Variants in ZNRF2 observed in about 807,000 individuals in gnomAD.
ZNRF2 encodes the protein E3 ubiquitin-protein ligase ZNRF2.
Under a neutral mutation model 20.4 loss-of-function variants are expected in ZNRF2, and 16 were observed. The observed-to-expected ratio is 0.79, with a 90% CI of 0.53 to 1.19. The LOEUF is 1.19. Ranked by LOEUF, ZNRF2 falls within the 50% of genes most tolerant of loss-of-function variation. The probability of loss-of-function intolerance (pLI) is 0.00; values close to 1 mark genes in which losing one functional copy is unlikely to be tolerated. For missense variants in ZNRF2, 363 were observed against 332.4 expected, an observed-to-expected ratio of 1.09 and a Z score of -0.72; for synonymous variants, 178 against 144.9, an observed-to-expected ratio of 1.23 and a Z score of -1.64.
chr7:30,355,102 A>G (rs1336311749), intron 2 of ZNRF2, among the ~76,000 whole-genome samples: 2 of 152,142 alleles, frequency 1.3e-5, no homozygotes, highest in African/African-American at 2.4e-5. Flanking sequence ...AGCCACTCTA[A>G]TTAATGCCTG....
chr7:30,355,486 G>T (rs1041166905), intron 2 of ZNRF2, among the ~76,000 whole-genome samples: 1 of 152,002 alleles, frequency 6.6e-6, no homozygotes, highest in Non-Finnish European at 1.5e-5. Flanking sequence ...TACTGTTTTT[G>T]CTTACTGTAA....
At chr7:30,290,457 G>C (rs1021084230) in intron 1 of ZNRF2, among the ~76,000 whole-genome samples, 1 of 152,192 alleles carries the variant, frequency 6.6e-6, no homozygotes, top group Non-Finnish European at 1.5e-5. Context: ...ACTGGGGAAA[G>C]GTCTGCCCAC....
intron 3 of ZNRF2, among the ~76,000 whole-genome samples, chr7:30,360,411 A>G (rs1205050594): frequency 1.3e-5 from 2 of 152,206 alleles, no homozygotes; most frequent in Admixed American, 1.3e-4. Flanking sequence ...AAATGTAAAA[A>G]CAGGCCAGGC....
intron 2 of ZNRF2, among the ~76,000 whole-genome samples, chr7:30,343,092 G>C (rs1799821261): frequency 6.6e-6 from 1 of 152,082 alleles, no homozygotes; most frequent in Non-Finnish European, 1.5e-5. Flanking sequence ...GATCACTTGA[G>C]ACCCCAGGAG....
At chr7:30,304,427 A>G (rs1384583565) in intron 1 of ZNRF2, among the ~76,000 whole-genome samples, 1 of 152,242 alleles carries the variant, frequency 6.6e-6, no homozygotes, top group African/African-American at 2.4e-5. Context: ...GGCAGAAAAT[A>G]AAGTAGTAAC....
chr7:30,345,912 G>A (rs1461666214), intron 2 of ZNRF2, among the ~76,000 whole-genome samples: 3 of 151,810 alleles, frequency 2.0e-5, no homozygotes, highest in Non-Finnish European at 4.4e-5. Context: ...ATTTAATTTC[G>A]CTTATACATG....
chr7:30,334,986 A>AC (rs1432696556), intron 2 of ZNRF2, among the ~76,000 whole-genome samples: 1 of 151,956 alleles, frequency 6.6e-6, no homozygotes, highest in Non-Finnish European at 1.5e-5. Context: ...ATGTTGAGGT[A>AC]CTTTTTTTTT....
intron 1 of ZNRF2, among the ~76,000 whole-genome samples, chr7:30,319,731 C>T (rs1188380547): frequency 1.3e-5 from 2 of 152,170 alleles, no homozygotes; most frequent in Non-Finnish European, 2.9e-5. Flanking sequence ...TCTAAAAGTT[C>T]TTTGGGTAGA....
intron 2 of ZNRF2, among the ~76,000 whole-genome samples, chr7:30,325,009 T>A (rs1311324876): frequency 6.6e-6 from 1 of 152,160 alleles, no homozygotes; most frequent in East Asian, 1.9e-4. Context: ...TGGAGCGAAC[T>A]GGTATTTTTT....
intron 4 of ZNRF2, among the ~76,000 whole-genome samples, chr7:30,364,157 G>A (rs1169616968): frequency 6.6e-6 from 1 of 152,292 alleles, no homozygotes; most frequent in African/African-American, 2.4e-5. Context: ...TGTATTGGTG[G>A]AAGATGATTT....
At chr7:30,350,248 C>T (rs1799942470) in intron 2 of ZNRF2, among the ~76,000 whole-genome samples, 1 of 152,030 alleles carries the variant, frequency 6.6e-6, no homozygotes, top group East Asian at 1.9e-4. Flanking sequence ...CACCGAATTT[C>T]GATTTCCAGA....
At chr7:30,363,285 C>T (rs1800156663) in intron 4 of ZNRF2, among the ~76,000 whole-genome samples, 1 of 152,124 alleles carries the variant, frequency 6.6e-6, no homozygotes, top group Admixed American at 6.5e-5. Flanking sequence ...TATCATGTGC[C>T]AGGTGTTGTT....
Position 30,311,486 on chromosome 7 carries a change from A to T in ZNRF2, c.470-12156A>T, listed in dbSNP as rs761095717. Among the ~76,000 whole-genome samples, 2 of 152,220 alleles carry T rather than the reference A, an allele frequency of 1.3e-5. 1 individual carries two copies. The highest frequency in any genetic ancestry group is 4.1e-4 in the South Asian group (2 of 4,832). On this transcript the variant is annotated intron_variant, in intron 1 of 4. Transcript: ENST00000323037. The stretch of plus-strand genomic sequence containing the variant: ...TTCATGAAGAGCAGTATCTTTAAGA[A>T]GGTAACTAACACATACCAATGAAAA...
intron 2 of ZNRF2, among the ~76,000 whole-genome samples, chr7:30,335,565 A>G (rs181768919): frequency 7.1e-4 from 108 of 152,250 alleles, no homozygotes; most frequent in Middle Eastern, 3.4e-3. Context: ...ACATATATAT[A>G]TACGTATTCA....
chr7:30,287,425 A>AGTTAATATTTATTTAATAT (rs1186009152), intron 1 of ZNRF2, among the ~76,000 whole-genome samples: 1 of 152,226 alleles, frequency 6.6e-6, no homozygotes, highest in African/African-American at 2.4e-5. Context: ...TCAAGTTAAT[A>AGTTAATATTTATTTAATAT]GTTAATATTT....
rs1262391942 is a variant in ZNRF2 at position 30,285,370 on chromosome 7, C to G, written c.13C>G (p.Gln5Glu). Reference protein sequence around the residue: MGAKQSGPAAANGRT... With the variant: MGAKESGPAAANGRT... ...GGGCAGGGCGGACATGGGCGCCAAA[C>G]AGAGCGGCCCGGCCGCCGCTAACGG... The change falls in exon 1 of 5, where the codon CAG becomes GAG. Residue 5 changes from glutamine (Q) to glutamate (E), a missense_variant. By Grantham distance (29) the Gln-to-Glu change is conservative. Transcript: ENST00000323037. The G allele has an allele frequency of 8.2e-7, 1 of 1,212,998 alleles. No homozygotes were observed. The highest frequency in any genetic ancestry group is 1.6e-5 in the African/African-American group (1 of 60,616). The allele number at this position is 1,212,998 out of a possible 1,614,324, so 75.1% of individuals were successfully genotyped here. A position where few individuals can be genotyped will look rare whatever the true frequency, so the allele number is the denominator to read the frequency against.
chr7:30,356,879 A>G (rs1193952736), intron 3 of ZNRF2, among the ~76,000 whole-genome samples: 3 of 151,694 alleles, frequency 2.0e-5, no homozygotes, highest in East Asian at 3.9e-4. Flanking sequence ...CTAATTTTTT[A>G]TATTTTTAGT....
In ZNRF2 at chr7:30,330,120, C is replaced by T. The variant is rs570300723; in HGVS notation, c.565+6383C>T. ...TATACCATATAAAGTTCAGTTTTTA[C>T]TTTAGACTTCTGTGATTCAAGGCAG... On this transcript the variant is annotated intron_variant, in intron 2 of 4. Transcript: ENST00000323037. 2.6e-5 allele frequency among the ~76,000 whole-genome samples: 4 copies of T among 152,180 alleles called. No homozygotes were observed. In the East Asian group the frequency reaches 7.7e-4, roughly 29 times the overall value.
intron 1 of ZNRF2, among the ~76,000 whole-genome samples, chr7:30,319,147 C>CT (rs1173081089): frequency 6.6e-6 from 1 of 151,706 alleles, no homozygotes; most frequent in Non-Finnish European, 1.5e-5. Flanking sequence ...GAACTGTACT[C>CT]TTTATTTTTA....
Sources: allele counts gnomAD v4.1 joint callset (sites outside exome capture counted in the v4.1 genomes callset), GRCh38; gene constraint gnomAD v4.1.1; transcripts MANE v1.5; gene names NCBI Gene and HGNC (gene_info 2026-07-23, HGNC 2026-07-21).